The following ARHGEF10 variants were observed in gnomAD, a reference collection of about 807,000 sequenced individuals.
ARHGEF10 encodes Rho guanine nucleotide exchange factor (GEF) 10.
ARHGEF10 carries 140 observed loss-of-function variants against 147.4 expected under a neutral mutation model. The ratio of observed to expected loss-of-function variants is 0.95; its 90% confidence interval spans 0.83 to 1.09. The LOEUF is 1.09. Among genes scored for constraint, ARHGEF10 ranks in the 50% least tolerant of loss-of-function variants. ARHGEF10 has a pLI of 0.00. For synonymous variants in ARHGEF10, 902 were observed against 695.8 expected (o/e 1.30, Z -4.67); for missense variants, 2,222 against 1,752.7 (o/e 1.27, Z -4.78).
At chr8:1,950,733 T>TTTTTTTTTTTTTTTTTTTTTTTTTTGG (rs1814971441) in intron 27 of ARHGEF10, among the ~76,000 whole-genome samples, 1 of 4,968 alleles carries the variant, frequency 2.0e-4, no homozygotes, top group Non-Finnish European at 5.6e-4. Context: ...TTTTTAGGTT[T>TTTTTTTTTTTTTTTTTTTTTTTTTTGG]TTTTTTTTTT....
chr8:1,864,348 C>T, intron 4 of ARHGEF10, 25 bp from the exon 5 acceptor site: 1 of 1,612,832 alleles, frequency 6.2e-7, no homozygotes, highest in Non-Finnish European at 8.5e-7. Flanking sequence ...CGTAAAGCAG[C>T]ATCACATATT....
At chr8:1,885,800 G>C in intron 11 of ARHGEF10, 93 bp downstream of exon 11, 2 of 1,047,338 alleles carry the variant, frequency 1.9e-6, no homozygotes, top group Non-Finnish European at 2.9e-6. Flanking sequence ...GTAAATATTT[G>C]CTGTCTCAAA....
At chr8:1,915,538 G>T (rs1194334273) in intron 18 of ARHGEF10, among the ~76,000 whole-genome samples, 1 of 152,244 alleles carries the variant, frequency 6.6e-6, no homozygotes, top group East Asian at 1.9e-4. Context: ...ACGGAAAGTG[G>T]GAAAGGGTCT....
rs372729538 is a variant in ARHGEF10, at chr8:1,875,199, C to A, written c.680-1372C>A. 4.7e-3 allele frequency among the ~76,000 whole-genome samples: 358 copies of A among 76,770 alleles called. 3 individuals are homozygous for A. The highest frequency in any genetic ancestry group is 0.017 in the African/African-American group (327 of 19,222). 50.4% of individuals were successfully genotyped at this position (76,770 alleles called of 152,430 possible). Reference sequence around the variant, plus strand: ...AGTGCAGACACACACGGGGCTGTGTCGGGGATAGAGGTTCTAAGACAGTCT... The same window carrying A: ...AGTGCAGACACACACGGGGCTGTGTAGGGGATAGAGGTTCTAAGACAGTCT... On this transcript the variant is annotated intron_variant, in intron 7 of 28. Transcript: ENST00000349830.
At chr8:1,886,307 T>G (rs1355809578) in intron 11 of ARHGEF10, among the ~76,000 whole-genome samples, 1 of 152,126 alleles carries the variant, frequency 6.6e-6, no homozygotes, top group African/African-American at 2.4e-5. Context: ...TGATGGGAGT[T>G]GTTTCCCACA....
At chr8:1,923,717 A>G (rs1812469709) in intron 20 of ARHGEF10, 57 bp from the exon 21 acceptor site, 1 of 1,612,890 alleles carries the variant, frequency 6.2e-7, no homozygotes, top group Non-Finnish European at 8.5e-7. Flanking sequence ...GTGTAATTTA[A>G]CCTCACAGGA....
chr8:1,894,808 G>T (rs1251841523), intron 13 of ARHGEF10, among the ~76,000 whole-genome samples: 3 of 152,238 alleles, frequency 2.0e-5, no homozygotes, highest in South Asian at 2.1e-4. Flanking sequence ...GACAGAAGCT[G>T]TATCTGAGGA....
At chr8:1,851,942 G>C (rs1033514284) in intron 2 of ARHGEF10, among the ~76,000 whole-genome samples, 15 of 151,734 alleles carry the variant, frequency 9.9e-5, no homozygotes, top group Admixed American at 9.2e-4. Context: ...TAACCAAATG[G>C]AAATGAATCT....
intron 25 of ARHGEF10, among the ~76,000 whole-genome samples, chr8:1,930,006 G>A (rs564396540): frequency 3.9e-5 from 6 of 152,274 alleles, no homozygotes; most frequent in Non-Finnish European, 2.9e-5. Context: ...CCCCTGCCGC[G>A]TTGGTGGCAG....
chr8:1,849,272 C>T (rs1019486188), intron 2 of ARHGEF10, among the ~76,000 whole-genome samples: 2 of 151,068 alleles, frequency 1.3e-5, no homozygotes, highest in African/African-American at 4.9e-5. Context: ...CTGAGAAGGG[C>T]GTAGGGCGGC....
Position 1,903,319 on chromosome 8 carries a change from G to C in ARHGEF10, c.1689G>C (p.Arg563Ser). Reference protein sequence around the residue: ...LKNTSKGHPDRLPLQMALTEL... With the variant: ...LKNTSKGHPDSLPLQMALTEL... ...ACACCTCCAAAGGCCACCCCGACAG[G>C]CTGCCTCTTCAGATGGCCCTGACAG... is the stretch of plus-strand genomic sequence containing the variant. Residue 563 changes from arginine (R) to serine (S), a missense_variant, in exon 16 of 29, where the codon AGG (arginine) becomes AGC (serine). Arg to Ser is a moderately radical substitution (Grantham distance 110). Coordinates refer to ENST00000349830, the MANE Select transcript of ARHGEF10 (RefSeq NM_014629.4). The C allele has an allele frequency of 4.3e-6, 7 of 1,614,118 alleles. No homozygotes were observed. Among genetic ancestry groups the C allele is most frequent in the Non-Finnish European group, 5.9e-6 (7 of 1,180,040 alleles).
Position 1,945,585 on chromosome 8 carries a change from T to G in ARHGEF10, c.3327T>G (p.Leu1109=), listed in dbSNP as rs1814504841. 2 of 1,614,068 alleles carry G rather than the reference T, an allele frequency of 1.2e-6. No individual in the cohort carries two copies. The highest frequency in any genetic ancestry group is 2.2e-5 in the South Asian group (2 of 91,086). ...IAFTSGSTLR[L]FHTETLKHLQ... is the part of the protein sequence containing the mutation. The stretch of plus-strand genomic sequence containing the variant: ...TCACCTCAGGGTCCACGCTCCGCCT[T>G]TTTCACACGGAAACTCTCAAGCACC... The change falls in exon 27 of 29, where the codon CTT becomes CTG. Residue 1109 remains leucine, a synonymous_variant. Coordinates refer to ENST00000349830, the MANE Select transcript of ARHGEF10 (RefSeq NM_014629.4).
At chr8:1,869,340 G>C (rs753167301) in intron 7 of ARHGEF10, 90 bp downstream of exon 7, 9 of 1,094,168 alleles carry the variant, frequency 8.2e-6, no homozygotes, top group Non-Finnish European at 1.1e-5. Flanking sequence ...GGACGGCCCA[G>C]ACGTTTTCTG....
intron 2 of ARHGEF10, among the ~76,000 whole-genome samples, chr8:1,846,584 C>CT (rs1170030962): frequency 3.0e-4 from 44 of 148,526 alleles, no homozygotes; most frequent in East Asian, 1.4e-3. Context: ...AAATTTTTAA[C>CT]TTTTTTTTTT....
At chr8:1,915,477 C>T (rs1811691131) in intron 18 of ARHGEF10, among the ~76,000 whole-genome samples, 1 of 152,242 alleles carries the variant, frequency 6.6e-6, no homozygotes, top group Non-Finnish European at 1.5e-5. Context: ...AAGCCCATCC[C>T]CAGGCCCAGC....
intron 17 of ARHGEF10, among the ~76,000 whole-genome samples, chr8:1,908,514 G>C (rs1003135188): frequency 1.3e-5 from 2 of 152,108 alleles, no homozygotes; most frequent in African/African-American, 2.4e-5. Flanking sequence ...TTACAGGCGT[G>C]AGCCACCGCG....
intron 7 of ARHGEF10, among the ~76,000 whole-genome samples, chr8:1,873,838 C>G (rs552145602): frequency 7.9e-5 from 12 of 151,972 alleles, no homozygotes; most frequent in African/African-American, 2.9e-4. Flanking sequence ...CTAGATGTTA[C>G]AGAGGCCACA....
At chr8:1,862,993 C>A (rs957092151) in intron 4 of ARHGEF10, among the ~76,000 whole-genome samples, 1 of 151,896 alleles carries the variant, frequency 6.6e-6, no homozygotes, top group East Asian at 1.9e-4. Flanking sequence ...CCATGTTGAC[C>A]AGGATGGACT....
At chr8:1,847,948 C>T (rs1415585299) in intron 2 of ARHGEF10, among the ~76,000 whole-genome samples, 3 of 152,126 alleles carry the variant, frequency 2.0e-5, no homozygotes, top group African/African-American at 7.2e-5. Context: ...CGTTGCATGT[C>T]TTTAAAAGTT....
Sources: gnomAD v4.1 joint callset for allele counts (sites outside exome capture counted in the v4.1 genomes callset) on GRCh38, gnomAD v4.1.1 for gene constraint, MANE v1.5 for transcripts, NCBI Gene and HGNC (gene_info 2026-07-23, HGNC 2026-07-21) for gene names.